Variants in GANC observed in about 807,000 individuals in gnomAD.
GANC encodes glucosidase alpha, neutral C, also known as neutral alpha-glucosidase C.
In GANC, 117 loss-of-function variants were observed where a neutral mutation model predicts 124.2. The ratio of observed to expected loss-of-function variants is 0.94; its 90% CI spans 0.81 to 1.10. GANC has a LOEUF of 1.10. Among genes scored for constraint, GANC ranks in the 50% least tolerant of loss-of-function variants. The pLI, the probability that GANC is intolerant of heterozygous loss-of-function variation, is 0.00. For synonymous variants in GANC, 377 were observed against 376.8 expected (o/e 1.00, Z -0.01); for missense variants, 1,140 against 1,095.0 (o/e 1.04, Z -0.58).
At chr15:42,315,795 C>T (rs1211911141) in intron 10 of GANC, among the ~76,000 whole-genome samples, 1 of 151,916 alleles carries the variant, frequency 6.6e-6, no homozygotes, top group Non-Finnish European at 1.5e-5. Flanking sequence ...TAGTTGAAGG[C>T]CTGGAGAAAA....
At chr15:42,316,453 CG>C (rs950105639) in intron 10 of GANC, among the ~76,000 whole-genome samples, 169 of 152,254 alleles carry the variant, frequency 1.1e-3, no homozygotes, top group Non-Finnish European at 2.0e-3. Context: ...GATCATGGGA[CG>C]GGGGCCCTTC....
rs536195685 is a variant in GANC at position 42,329,044 on chromosome 15, C to A, written c.1501-262C>A. On this transcript the variant is annotated intron_variant, in intron 13 of 23. Transcript: ENST00000318010. Reference sequence around the variant, plus strand: ...TGCCAGGCAATATATATTTCACAGACAACACAGGGCAGCATTCTTTTATTC... The same window carrying A: ...TGCCAGGCAATATATATTTCACAGAAAACACAGGGCAGCATTCTTTTATTC... 4.6e-5 allele frequency among the ~76,000 whole-genome samples: 7 copies of A among 152,242 alleles called. No homozygotes were observed. The East Asian group carries it at 1.4e-3, about 29-fold the overall frequency.
Position 42,340,683 on chromosome 15 carries a change from T to G in GANC, c.2088-7T>G. 2 of 1,589,494 alleles carry G rather than the reference T, an allele frequency of 1.3e-6. No individual in the cohort carries two copies. Among genetic ancestry groups the G allele is most frequent in the Non-Finnish European group, 1.7e-6 (2 of 1,172,094 alleles). On this transcript the variant is annotated splice_region_variant and splice_polypyrimidine_tract_variant and intron_variant, in intron 17 of 23. Coordinates refer to ENST00000318010, the MANE Select transcript of GANC (RefSeq NM_198141.3). ...TGTTAAAACAATAATTTTTTTTCTT[T>G]CCCCAGGCCTCTGTGGGTAGAGTTC...
chr15:42,310,659 A>C (rs769046531), intron 9 of GANC, 34 bp from the exon 10 acceptor site: 4 of 1,595,356 alleles, frequency 2.5e-6, no homozygotes, highest in Non-Finnish European at 3.4e-6. Flanking sequence ...GTTAGAGGGA[A>C]ATTTCTCAAA....
intron 6 of GANC, among the ~76,000 whole-genome samples, chr15:42,298,487 G>C (rs1047942631): frequency 3.3e-5 from 5 of 152,156 alleles, no homozygotes; most frequent in Non-Finnish European, 7.3e-5. Context: ...TCCAAGCCAT[G>C]TTAACCTTTC....
intron 19 of GANC, among the ~76,000 whole-genome samples, chr15:42,343,964 G>A (rs998825576): frequency 6.6e-6 from 1 of 152,136 alleles, no homozygotes; most frequent in Non-Finnish European, 1.5e-5. Context: ...AGCCACGCAG[G>A]TATGGAGCTG....
In GANC at chr15:42,308,307, TA is replaced by T; in HGVS notation, c.716del (p.Asn239IlefsTer42). On this transcript the variant is annotated frameshift_variant, in exon 8 of 24. Coordinates refer to ENST00000318010, the MANE Select transcript of GANC (RefSeq NM_198141.3). LOFTEE classifies it high-confidence loss of function. Reference protein sequence around the residue: ...IPQHAESHQLKNTGDGDAYRL... With the variant: ...IPQHAESHQLXNTGDGDAYRL... ...CACAACATGCAGAATCACACCAACT[TA>T]AAAATACTGGGTAAGTGAAAACAAG... 6.2e-7 allele frequency: 1 copy of T among 1,600,334 alleles called. No individual in the cohort carries two copies. The highest frequency in any genetic ancestry group is 8.6e-7 in the Non-Finnish European group (1 of 1,168,608).
intron 11 of GANC, among the ~76,000 whole-genome samples, chr15:42,323,871 G>A (rs1459864986): frequency 1.3e-5 from 2 of 152,094 alleles, no homozygotes; most frequent in African/African-American, 4.8e-5. Context: ...GAGGGAAGAG[G>A]GCAATGCAGC....
At chr15:42,322,279 A>G (rs777775006) in intron 11 of GANC, among the ~76,000 whole-genome samples, 19 of 152,152 alleles carry the variant, frequency 1.2e-4, no homozygotes, top group Non-Finnish European at 2.6e-4. Flanking sequence ...TGTTGTGGCC[A>G]CCCTGTAGTA....
chr15:42,313,994 G>A (rs985958305), intron 10 of GANC: 1 of 573,534 alleles, frequency 1.7e-6, no homozygotes, highest in Non-Finnish European at 3.2e-6. Flanking sequence ...ATGTAATAGT[G>A]ACATGGAAAA....
chr15:42,308,220 A>C lies in GANC; in HGVS notation c.626-2A>C, dbSNP rs201715151. 1.4e-5 allele frequency: 23 copies of C among 1,596,236 alleles called. No homozygotes were observed. The African/African-American group carries it at 2.5e-4, about 18-fold the overall frequency. On this transcript the variant is annotated splice_acceptor_variant, in intron 7 of 23. Coordinates refer to ENST00000318010, the MANE Select transcript of GANC (RefSeq NM_198141.3). LOFTEE classifies it high-confidence loss of function. ...CAAAACTCAGTATCCTGGTCTCTAC[A>C]GGCCCTTCTTCTATTGGTTTGGATT... is the stretch of plus-strand genomic sequence containing the variant.
intron 10 of GANC, among the ~76,000 whole-genome samples, chr15:42,320,873 C>G (rs193208984): frequency 3.7e-4 from 57 of 152,286 alleles, no homozygotes; most frequent in Admixed American, 1.0e-3. Context: ...CTCCTCAATA[C>G]CACTCTGGGG....
At chr15:42,302,847 G>C (rs2051959659) in intron 6 of GANC, among the ~76,000 whole-genome samples, 1 of 152,062 alleles carries the variant, frequency 6.6e-6, no homozygotes. Context: ...AAGATATATG[G>C]GACTATGTGA....
intron 3 of GANC, among the ~76,000 whole-genome samples, chr15:42,282,096 G>A (rs2051739790): frequency 6.6e-6 from 1 of 152,226 alleles, no homozygotes; most frequent in African/African-American, 2.4e-5. Context: ...GCCGAGGCGG[G>A]CAGATCACGA....
At chr15:42,322,735 G>T (rs1301915443) in intron 11 of GANC, among the ~76,000 whole-genome samples, 1 of 152,138 alleles carries the variant, frequency 6.6e-6, no homozygotes, top group East Asian at 1.9e-4. Context: ...ATCTGGCCAA[G>T]AAAAGAACGG....
chr15:42,347,260 C>A (rs367668679), intron 20 of GANC, among the ~76,000 whole-genome samples: 2 of 151,944 alleles, frequency 1.3e-5, no homozygotes, highest in South Asian at 4.2e-4. Flanking sequence ...TTCTCACTGC[C>A]GAGGCAAGTT....
chr15:42,328,506 CA>C (rs530447078), intron 13 of GANC, among the ~76,000 whole-genome samples: 12,439 of 103,948 alleles, frequency 0.12, 576 homozygotes, highest in South Asian at 0.23. Flanking sequence ...AATAAAGATT[CA>C]AAAAAAAAAA....
intron 3 of GANC, among the ~76,000 whole-genome samples, chr15:42,281,523 A>G (rs890238746): frequency 3.3e-5 from 5 of 152,106 alleles, no homozygotes; most frequent in African/African-American, 1.2e-4. Flanking sequence ...CATCTCTACT[A>G]AAAATACAAA....
intron 10 of GANC, among the ~76,000 whole-genome samples, chr15:42,320,583 G>T (rs1204323965): frequency 1.3e-5 from 2 of 152,002 alleles, no homozygotes; most frequent in Non-Finnish European, 2.9e-5. Context: ...CAAGTAGTGG[G>T]GACTACAGGT....
Sources: gnomAD v4.1 joint callset for allele counts (sites outside exome capture counted in the v4.1 genomes callset) on GRCh38, gnomAD v4.1.1 for gene constraint, MANE v1.5 for transcripts, NCBI Gene and HGNC (gene_info 2026-07-23, HGNC 2026-07-21) for gene names.